Variants in KIF1C observed in about 807,000 individuals in gnomAD.
KIF1C encodes kinesin-like protein KIF1C.
Under a neutral mutation model 126.5 loss-of-function variants are expected in KIF1C, and 61 were observed. The observed-to-expected ratio is 0.48, with a 90% confidence interval of 0.39 to 0.60. The LOEUF (loss-of-function observed/expected upper bound fraction) is 0.60. Among genes scored for constraint, KIF1C ranks in the 20% least tolerant of loss-of-function variants. KIF1C has a pLI of 0.00. For synonymous variants in KIF1C, 640 were observed against 580.6 expected (o/e 1.10, Z -1.47); for missense variants, 1,315 against 1,489.2 (o/e 0.88, Z 1.93).
At chr17:5,015,351 T>C (rs1032371320) in intron 18 of KIF1C, among the ~76,000 whole-genome samples, 1 of 152,096 alleles carries the variant, frequency 6.6e-6, no homozygotes, top group Non-Finnish European at 1.5e-5. Flanking sequence ...TGGCGCGATC[T>C]GGGCTCACTG....
chr17:5,013,444 G>A (rs1014121923), intron 16 of KIF1C, among the ~76,000 whole-genome samples: 4 of 152,072 alleles, frequency 2.6e-5, no homozygotes, highest in South Asian at 2.1e-4. Flanking sequence ...TCCTGAAGGC[G>A]GTTGGTGTGA....
Position 5,026,144 on chromosome 17 carries a change from C to T in KIF1C, c.*1993C>T, listed in dbSNP as rs1271580638. On this transcript the variant is annotated 3_prime_UTR_variant, in exon 23 of 23. Transcript: ENST00000320785. The stretch of plus-strand genomic sequence containing the variant: ...CTCTAGGTTTCCACACCCTGATGCT[C>T]CTGCCTTTACTTTGACACCTCTGAC... 6.6e-6 allele frequency: 1 copy of T among 152,250 alleles called. No homozygotes were observed. Among genetic ancestry groups the T allele is most frequent in the Non-Finnish European group, 1.5e-5 (1 of 68,046 alleles). The allele number at this position is 152,250 out of a possible 1,614,324, so 9.4% of individuals were successfully genotyped here.
At position 5,019,996 on chromosome 17, in the gene KIF1C, T is replaced by C; in HGVS notation, c.1667T>C (p.Val556Ala). 6.2e-7 allele frequency: 1 copy of C among 1,601,418 alleles called. No homozygotes were observed. Among genetic ancestry groups the C allele is most frequent in the Non-Finnish European group, 8.5e-7 (1 of 1,173,612 alleles). Residue 556 changes from valine to alanine, a missense_variant and splice_region_variant, in exon 19 of 23, where the codon GTG becomes GCG. Around this residue, in one of 2 missense-constraint regions of KIF1C, gnomAD observed 874 missense variants for 1,053.2 expected, o/e 0.83. Transcript: ENST00000320785. ...CCCCTTCCTCTGCCCCTCCATTCAGTGGTGGTCACTCTGGAGCCTTGTGAA... is the reference window on the plus strand; with the variant it reads ...CCCCTTCCTCTGCCCCTCCATTCAGCGGTGGTCACTCTGGAGCCTTGTGAA... ...FRSIPQPDGE[V>A]VVTLEPCEGA...
chr17:5,005,571 A>G (rs934336402), intron 13 of KIF1C, among the ~76,000 whole-genome samples: 4 of 152,176 alleles, frequency 2.6e-5, no homozygotes, highest in African/African-American at 9.7e-5. Context: ...TGTTCTTGGA[A>G]AGAGAAGGAT....
chr17:5,023,975 G>A lies in KIF1C; in HGVS notation c.3136G>A (p.Ala1046Thr). Residue 1046 changes from alanine (A) to threonine (T), a missense_variant, in exon 23 of 23, where the codon GCA becomes ACA. Coordinates refer to ENST00000320785, the MANE Select transcript of KIF1C (RefSeq NM_006612.6). This position sits in a 1 kb window ranked among gnomAD's most constrained non-coding sequence, Gnocchi z 4.2. ...GGGCCGATCCCGGGGAGCGGGTTCTGCACAGCCTGAACCCCAGCACTTCCA... is the reference window on the plus strand; with the variant it reads ...GGGCCGATCCCGGGGAGCGGGTTCTACACAGCCTGAACCCCAGCACTTCCA... ...GGGRSRGAGS[A>T]QPEPQHFQPK... The A allele has an allele frequency of 1.3e-6, 2 of 1,590,616 alleles. No homozygotes were observed. Among genetic ancestry groups the A allele is most frequent in the African/African-American group, 1.3e-5 (1 of 74,290 alleles).
intron 16 of KIF1C, among the ~76,000 whole-genome samples, chr17:5,011,230 T>C (rs1185406130): frequency 6.6e-6 from 1 of 152,096 alleles, no homozygotes; most frequent in African/African-American, 2.4e-5. Flanking sequence ...GGGTTTGGTG[T>C]GAGTAGCTCC....
chr17:5,018,441 C>CGGATCACCTGAGGTCAGGCGGGT (rs1167236223), intron 18 of KIF1C, among the ~76,000 whole-genome samples: 1 of 151,862 alleles, frequency 6.6e-6, no homozygotes, highest in Non-Finnish European at 1.5e-5. Context: ...CCAAGGCGGG[C>CGGATCACCTGAGGTCAGGCGGGT]GGATCACCTG....
At chr17:5,011,011 G>T (rs1974853588) in intron 16 of KIF1C, among the ~76,000 whole-genome samples, 1 of 151,910 alleles carries the variant, frequency 6.6e-6, no homozygotes, top group African/African-American at 2.4e-5. Flanking sequence ...ACTCCCAAGG[G>T]TAACATACAA....
Position 5,022,723 on chromosome 17 carries a change from T to C in KIF1C, c.2628+14T>C. ...CCCCTGGCCCAGGTAGGACTGGCCTTCTGCCTCCCTTCTCTCCTCCCTCGG... is the reference window on the plus strand; with the variant it reads ...CCCCTGGCCCAGGTAGGACTGGCCTCCTGCCTCCCTTCTCTCCTCCCTCGG... On this transcript the variant is annotated intron_variant, in intron 22 of 22. Transcript: ENST00000320785. The surrounding 1 kb of genome is among the most constrained non-coding windows in gnomAD (Gnocchi z 4.9). The C allele has an allele frequency of 6.6e-7, 1 of 1,507,524 alleles. No individual in the cohort carries two copies. The highest frequency in any genetic ancestry group is 1.3e-5 in the South Asian group (1 of 74,670). 93.4% of individuals were successfully genotyped at this position (1,507,524 alleles called of 1,614,324 possible). A position where few individuals can be genotyped will look rare whatever the true frequency, so the allele number is the denominator to read the frequency against.
At chr17:5,017,176 A>C (rs1974988666) in intron 18 of KIF1C, among the ~76,000 whole-genome samples, 2 of 152,160 alleles carry the variant, frequency 1.3e-5, no homozygotes, top group African/African-American at 4.8e-5. Context: ...AAGGAGCTAC[A>C]GTGCGGAGAG....
Position 5,024,331 on chromosome 17 carries a change from C to G in KIF1C, c.*180C>G. On this transcript the variant is annotated 3_prime_UTR_variant, in exon 23 of 23. Transcript: ENST00000320785. ...CCGGAGGCTGAGGAAAGGAAGAGGG[C>G]ACGGAGTTGCCAGGAGCAAACCAAA... The G allele has an allele frequency of 1.9e-6, 1 of 519,232 alleles. No individual in the cohort carries two copies. Among genetic ancestry groups the G allele is most frequent in the Non-Finnish European group, 3.4e-6 (1 of 296,834 alleles). 32.2% of individuals were successfully genotyped at this position (519,232 alleles called of 1,614,324 possible).
chr17:5,022,786 C>A lies in KIF1C; in HGVS notation c.2628+77C>A, dbSNP rs1975123192. On this transcript the variant is annotated intron_variant, in intron 22 of 22. Transcript: ENST00000320785. The surrounding 1 kb of genome is among the most constrained non-coding windows in gnomAD (Gnocchi z 4.9). ...GGAGTCTGAACCTTCCATCTCAGAG[C>A]CTAACCTTCCCCAAGTCTGGAAAAA... 7.1e-7 allele frequency: 1 copy of A among 1,403,832 alleles called. No homozygotes were observed. Among genetic ancestry groups the A allele is most frequent in the Non-Finnish European group, 9.2e-7 (1 of 1,082,704 alleles). 87.0% of individuals were successfully genotyped at this position (1,403,832 alleles called of 1,614,324 possible).
chr17:5,007,969 T>C (rs1051164736), intron 16 of KIF1C, among the ~76,000 whole-genome samples: 3 of 152,170 alleles, frequency 2.0e-5, no homozygotes, highest in Non-Finnish European at 4.4e-5. Flanking sequence ...GGGTTGGTTA[T>C]AGATGGAGGC....
In KIF1C at chr17:5,003,641, T is replaced by C; in HGVS notation, c.750T>C (p.Ala250=). The C allele has an allele frequency of 6.2e-7, 1 of 1,613,746 alleles. No homozygotes were observed. The highest frequency in any genetic ancestry group is 8.5e-7 in the Non-Finnish European group (1 of 1,179,872). ...GTAAGATCAGTTTGGTGGACCTTGC[T>C]GGGAGTGAGCGAGCCGACTCCTCAG... ...KVSKISLVDL[A]GSERADSSGA... Residue 250 remains alanine (A), a synonymous_variant, in exon 9 of 23, where the codon GCT becomes GCC. Transcript: ENST00000320785.
chr17:5,022,538 T>G lies in KIF1C; in HGVS notation c.2457T>G (p.Gly819=). ...AAGGAGGTGGAGCTGGCAGTGGTGGTGGCAGTGAGGAGGGAGCCCGAGGGG... is the reference window on the plus strand; with the variant it reads ...AAGGAGGTGGAGCTGGCAGTGGTGGGGGCAGTGAGGAGGGAGCCCGAGGGG... ...EEEGGGAGSG[G]GSEEGARGAE... is the part of the protein sequence containing the mutation. Residue 819 remains glycine, a synonymous_variant, in exon 22 of 23, where the codon GGT becomes GGG. Transcript: ENST00000320785. The surrounding 1 kb of genome is among the most constrained non-coding windows in gnomAD (Gnocchi z 4.9). The G allele has an allele frequency of 1.3e-6, 2 of 1,587,584 alleles. No individual in the cohort carries two copies. Among genetic ancestry groups the G allele is most frequent in the South Asian group, 2.3e-5 (2 of 87,790 alleles).
At chr17:5,008,626 C>A (rs1226286897) in intron 16 of KIF1C, among the ~76,000 whole-genome samples, 1 of 152,218 alleles carries the variant, frequency 6.6e-6, no homozygotes, top group Non-Finnish European at 1.5e-5. Context: ...ATCACTGAAC[C>A]CCTGTTCTGA....
At chr17:5,002,336 C>A in intron 6 of KIF1C, 128 bp from the exon 7 acceptor site, 1 of 1,009,416 alleles carries the variant, frequency 9.9e-7, no homozygotes, top group Non-Finnish European at 1.5e-6. Context: ...GCTGAGCTAG[C>A]ATCTGCAGAA....
In KIF1C at chr17:5,022,549, A is replaced by T; in HGVS notation, c.2468A>T (p.Glu823Val). Residue 823 changes from glutamate (E) to valine (V), a missense_variant, in exon 22 of 23, where the codon GAG becomes GTG. By Grantham distance (121) the Glu-to-Val change is moderately radical. Coordinates refer to ENST00000320785, the MANE Select transcript of KIF1C (RefSeq NM_006612.6). The surrounding 1 kb of genome is among the most constrained non-coding windows in gnomAD (Gnocchi z 4.9). ...GCTGGCAGTGGTGGTGGCAGTGAGGAGGGAGCCCGAGGGGCGGAGGTGGAG... is the reference window on the plus strand; with the variant it reads ...GCTGGCAGTGGTGGTGGCAGTGAGGTGGGAGCCCGAGGGGCGGAGGTGGAG... ...GGAGSGGGSE[E>V]GARGAEVEDL... 1 of 1,588,338 alleles carries T rather than the reference A, an allele frequency of 6.3e-7. No individual in the cohort carries two copies. The highest frequency in any genetic ancestry group is 1.8e-5 in the Admixed American group (1 of 55,694).
rs75284304 is a variant in KIF1C at position 5,000,100 on chromosome 17, T to C, written c.-27-120T>C. 5,011 of 628,466 alleles carry C rather than the reference T, an allele frequency of 8.0e-3. 183 individuals carry two copies. The African/African-American group carries it at 0.081, about 10-fold the overall frequency. The allele number at this position is 628,466 out of a possible 1,614,324, so 38.9% of individuals were successfully genotyped here. A position where few individuals can be genotyped will look rare whatever the true frequency, so the allele number is the denominator to read the frequency against. On this transcript the variant is annotated intron_variant, in intron 2 of 22. Coordinates refer to ENST00000320785, the MANE Select transcript of KIF1C (RefSeq NM_006612.6). ...AGCCAAGGGAATAAGAGCTGGGTCC[T>C]TGAGAGGCTGGGTGGCTCTGGGGGA...
Sources: gnomAD v4.1 joint callset for allele counts (sites outside exome capture counted in the v4.1 genomes callset) on GRCh38, gnomAD v4.1.1 for gene constraint, gnomAD v4.1.1 regional missense constraint, Gnocchi (gnomAD v3.1) non-coding constraint, MANE v1.5 for transcripts, NCBI Gene and HGNC (gene_info 2026-07-23, HGNC 2026-07-21) for gene names.